The following SLC26A11 variants were observed in gnomAD, a reference collection of about 807,000 sequenced individuals.
The protein encoded by SLC26A11 is sodium-independent sulfate anion transporter.
In SLC26A11, 58 loss-of-function variants were observed where a neutral mutation model predicts 62.2. The observed-to-expected ratio is 0.93, with a 90% CI of 0.76 to 1.16. The LOEUF (loss-of-function observed/expected upper bound fraction) is 1.16. Among genes scored for constraint, SLC26A11 ranks in the 50% most tolerant of loss-of-function variants. SLC26A11 has a pLI of 0.00. For synonymous variants in SLC26A11, 411 were observed against 368.9 expected (o/e 1.11, Z -1.31); for missense variants, 790 against 794.3 (o/e 0.99, Z 0.06).
intron 5 of SLC26A11, chr17:80,225,447 A>C: frequency 4.5e-6 from 1 of 222,200 alleles, no homozygotes. Context: ...TCTACACTGC[A>C]GGGGGCCTGG....
Position 80,246,446 on chromosome 17 carries a change from G to A in SLC26A11, c.1154-63G>A. On this transcript the variant is annotated intron_variant, in intron 12 of 17. Transcript: ENST00000361193. This position sits in a 1 kb window ranked among gnomAD's most constrained non-coding sequence, Gnocchi z 4.4. ...AGTGGGCTCTGCTGAACAAGAGGCT[G>A]CTACGCTGCGTGCTGGGGGGACCCT... 6.3e-7 allele frequency: 1 copy of A among 1,595,518 alleles called. No individual in the cohort carries two copies. Among genetic ancestry groups the A allele is most frequent in the Non-Finnish European group, 8.5e-7 (1 of 1,176,150 alleles).
chr17:80,237,169 C>A, intron 8 of SLC26A11, 66 bp downstream of exon 8: 1 of 1,544,308 alleles, frequency 6.5e-7, no homozygotes, highest in East Asian at 2.3e-5. Flanking sequence ...TGGCTCCTAC[C>A]CTGATGTATC....
At chr17:80,244,471 G>A (rs2042944234) in intron 10 of SLC26A11, among the ~76,000 whole-genome samples, 1 of 152,324 alleles carries the variant, frequency 6.6e-6, no homozygotes, top group African/African-American at 2.4e-5. Flanking sequence ...CTCCTGGGTG[G>A]TGAGATGCTC....
At position 80,228,022 on chromosome 17, in the gene SLC26A11, G is replaced by C. The variant is rs1018221969; in HGVS notation, c.736+62G>C. 1.2e-4 allele frequency: 182 copies of C among 1,490,454 alleles called. No individual in the cohort carries two copies. The highest frequency in any genetic ancestry group is 1.5e-4 in the Non-Finnish European group (165 of 1,098,696). 92.3% of individuals were successfully genotyped at this position (1,490,454 alleles called of 1,614,324 possible). A position where few individuals can be genotyped will look rare whatever the true frequency, so the allele number is the denominator to read the frequency against. ...GCTGCAGGTTGGGGTCACTTGGGGAGTCCTAGTCCCACCCTAGGGATTCTC... is the reference window on the plus strand; with the variant it reads ...GCTGCAGGTTGGGGTCACTTGGGGACTCCTAGTCCCACCCTAGGGATTCTC... On this transcript the variant is annotated intron_variant, in intron 7 of 17. Coordinates refer to ENST00000361193, the MANE Select transcript of SLC26A11 (RefSeq NM_001166347.2). This position sits in a 1 kb window ranked among gnomAD's most constrained non-coding sequence, Gnocchi z 4.1.
rs780850196 is a variant in SLC26A11, at chr17:80,228,967, G to C, written c.736+1007G>C. 3.9e-5 allele frequency among the ~76,000 whole-genome samples: 6 copies of C among 152,172 alleles called. No individual in the cohort carries two copies. The highest frequency in any genetic ancestry group is 3.9e-4 in the Admixed American group (6 of 15,276). The stretch of plus-strand genomic sequence containing the variant: ...GTGGAAGCCTCTTCTCAGTGCATCC[G>C]GGATGGGCATGGGTCCCCTGGCTGA... On this transcript the variant is annotated intron_variant, in intron 7 of 17. Coordinates refer to ENST00000361193, the MANE Select transcript of SLC26A11 (RefSeq NM_001166347.2). This position sits in a 1 kb window ranked among gnomAD's most constrained non-coding sequence, Gnocchi z 4.1.
At chr17:80,229,732 T>C (rs1210755408) in intron 7 of SLC26A11, among the ~76,000 whole-genome samples, 1 of 152,150 alleles carries the variant, frequency 6.6e-6, no homozygotes, top group East Asian at 1.9e-4. Context: ...GCCTGGCCTA[T>C]GCCTTGTTAT....
chr17:80,223,057 C>A lies in SLC26A11; in HGVS notation c.428-195C>A. ...AGAGGCCAGGACACTTGGAGAAGTG[C>A]CTGTGGCCTCAGACCCCAGTCTCCC... On this transcript the variant is annotated intron_variant, in intron 4 of 17. Coordinates refer to ENST00000361193, the MANE Select transcript of SLC26A11 (RefSeq NM_001166347.2). The surrounding 1 kb of genome is among the most constrained non-coding windows in gnomAD (Gnocchi z 4.6). 1 of 722,888 alleles carries A rather than the reference C, an allele frequency of 1.4e-6. No homozygotes were observed. Among genetic ancestry groups the A allele is most frequent in the Non-Finnish European group, 2.3e-6 (1 of 433,444 alleles). 44.8% of individuals were successfully genotyped at this position (722,888 alleles called of 1,614,324 possible). A position where few individuals can be genotyped will look rare whatever the true frequency, so the allele number is the denominator to read the frequency against.
At chr17:80,240,339 C>T (rs1157026182) in intron 9 of SLC26A11, among the ~76,000 whole-genome samples, 1 of 151,850 alleles carries the variant, frequency 6.6e-6, no homozygotes, top group East Asian at 1.9e-4. Flanking sequence ...TGTACTCCAG[C>T]CTGGGCGACA....
chr17:80,247,208 G>A (rs1018360972), intron 13 of SLC26A11, among the ~76,000 whole-genome samples: 23 of 152,222 alleles, frequency 1.5e-4, no homozygotes, highest in Non-Finnish European at 8.8e-5. Flanking sequence ...TTTTCTTAGT[G>A]CAGAACAAAA....
chr17:80,248,600 T>C lies in SLC26A11; in HGVS notation c.1448T>C (p.Leu483Pro). Residue 483 changes from leucine to proline, a missense_variant, in exon 15 of 18, where the codon CTG becomes CCG. Leu to Pro is a moderately conservative substitution (Grantham distance 98, BLOSUM62 -3). Coordinates refer to ENST00000361193, the MANE Select transcript of SLC26A11 (RefSeq NM_001166347.2). ...TKVSEGPVLV[L>P]QPASGLSFPA... is the part of the protein sequence containing the mutation. ...GTGTCAGAGGGGCCGGTTCTGGTCC[T>C]GCAGCCGGCCAGCGGCCTGTCCTTC... is the stretch of plus-strand genomic sequence containing the variant. The C allele has an allele frequency of 6.3e-7, 1 of 1,588,116 alleles. No individual in the cohort carries two copies. Among genetic ancestry groups the C allele is most frequent in the Non-Finnish European group, 8.6e-7 (1 of 1,167,642 alleles).
chr17:80,248,138 C>A lies in SLC26A11; in HGVS notation c.1303C>A (p.Leu435Met), dbSNP rs538790431. Reference protein sequence around the residue: ...RTLWRVKRLDLLPLCVTFLLC... With the variant: ...RTLWRVKRLDMLPLCVTFLLC... Reference sequence around the variant, plus strand: ...CTGTGCCCTTCTCCTAGGGCTGGACCTGCTGCCCCTGTGCGTGACCTTCCT... The same window carrying A: ...CTGTGCCCTTCTCCTAGGGCTGGACATGCTGCCCCTGTGCGTGACCTTCCT... Residue 435 changes from leucine (L) to methionine (M), a missense_variant, in exon 14 of 18, where the codon CTG becomes ATG. By Grantham distance (15) the Leu-to-Met change is conservative. Transcript: ENST00000361193. The A allele has an allele frequency of 1.1e-5, 17 of 1,603,132 alleles. No individual in the cohort carries two copies. The highest frequency in any genetic ancestry group is 1.4e-5 in the Non-Finnish European group (16 of 1,179,618).
chr17:80,221,228 A>G (rs2042170996), intron 2 of SLC26A11, 113 bp downstream of exon 2: 1 of 299,368 alleles, frequency 3.3e-6, no homozygotes, highest in Non-Finnish European at 6.1e-6. Context: ...GTTGAGCCTA[A>G]TTAGTCTTCA....
intron 16 of SLC26A11, among the ~76,000 whole-genome samples, chr17:80,250,519 T>A (rs982217010): frequency 5.3e-5 from 8 of 152,268 alleles, no homozygotes; most frequent in African/African-American, 1.7e-4. Flanking sequence ...GTCTTCATGG[T>A]CTTTGGAGAT....
Position 80,225,934 on chromosome 17 carries a change from C to T in SLC26A11, c.593+18C>T, listed in dbSNP as rs772051592. On this transcript the variant is annotated intron_variant, in intron 6 of 17. Transcript: ENST00000361193. The stretch of plus-strand genomic sequence containing the variant: ...GAGACCAGGTACCCCGGGCTTTGTT[C>T]CTCCCTCCTATAAGGAAGCTCCTTC... 14 of 1,610,802 alleles carry T rather than the reference C, an allele frequency of 8.7e-6. No homozygotes were observed. The South Asian group carries it at 8.8e-5, about 10-fold the overall frequency.
chr17:80,239,391 CTTTT>C (rs576920538), intron 9 of SLC26A11, among the ~76,000 whole-genome samples: 1 of 131,604 alleles, frequency 7.6e-6, no homozygotes, highest in East Asian at 2.2e-4. Context: ...CCAGTAATTT[CTTTT>C]TTTTTTTTTT....
In SLC26A11 at chr17:80,233,203, C is replaced by T. The variant is rs371144553; in HGVS notation, c.737-3725C>T. The stretch of plus-strand genomic sequence containing the variant: ...GGCAGAGATTGCAGTGAGCCAAGAT[C>T]CGTCACTGAAGCTGCAAACTCCTGG... On this transcript the variant is annotated intron_variant, in intron 7 of 17. Transcript: ENST00000361193. Among the ~76,000 whole-genome samples, 115 of 151,498 alleles carry T rather than the reference C, an allele frequency of 7.6e-4. 3 individuals carry two copies. In the South Asian group the frequency reaches 0.024, roughly 31 times the overall value.
At chr17:80,224,759 G>C (rs1160016169) in intron 5 of SLC26A11, among the ~76,000 whole-genome samples, 1 of 152,088 alleles carries the variant, frequency 6.6e-6, no homozygotes, top group Non-Finnish European at 1.5e-5. Context: ...CCCAGTGAGA[G>C]TGGAGAGCGG....
chr17:80,250,857 T>C (rs547067942), intron 16 of SLC26A11, among the ~76,000 whole-genome samples: 1 of 150,336 alleles, frequency 6.7e-6, no homozygotes, highest in African/African-American at 2.4e-5. Flanking sequence ...AAAAGTCCTC[T>C]GGGCCAGGCG....
In SLC26A11 at chr17:80,222,920, C is replaced by A; in HGVS notation, c.427+73C>A. On this transcript the variant is annotated intron_variant, in intron 4 of 17. Coordinates refer to ENST00000361193, the MANE Select transcript of SLC26A11 (RefSeq NM_001166347.2). This position sits in a 1 kb window ranked among gnomAD's most constrained non-coding sequence, Gnocchi z 4.7. The stretch of plus-strand genomic sequence containing the variant: ...TGCTTGTTTGCATTTCAAGTCTATC[C>A]CCGTGTGCGTGTGTGTGCGTGTTGG... 1 of 1,496,036 alleles carries A rather than the reference C, an allele frequency of 6.7e-7. No individual in the cohort carries two copies. The highest frequency in any genetic ancestry group is 9.1e-7 in the Non-Finnish European group (1 of 1,104,022). 92.7% of individuals were successfully genotyped at this position (1,496,036 alleles called of 1,614,324 possible).
Sources: gnomAD v4.1 joint callset for allele counts (sites outside exome capture counted in the v4.1 genomes callset) on GRCh38, gnomAD v4.1.1 for gene constraint, Gnocchi (gnomAD v3.1) non-coding constraint, MANE v1.5 for transcripts, NCBI Gene and HGNC (gene_info 2026-07-23, HGNC 2026-07-21) for gene names.